Variants in SLC35G4 observed in about 807,000 individuals in gnomAD.
The protein encoded by SLC35G4 is acyl-malonyl-condensing enzyme 1-like protein 1.
A neutral mutation model predicts 15.8 loss-of-function variants in SLC35G4; 12 were observed. The ratio of observed to expected loss-of-function variants is 0.76; its 90% CI spans 0.49 to 1.23. The LOEUF is 1.23. Ranked by LOEUF, SLC35G4 falls within the 50% of genes most tolerant of loss-of-function variation. The pLI is 0.00. For missense variants in SLC35G4, 390 were observed against 422.1 expected (o/e 0.92, Z 0.67); for synonymous variants, 177 against 186.5 (o/e 0.95, Z 0.41).
rs757835798 is a variant in SLC35G4, at chr18:11,610,156, C to A, written c.561C>A (p.Val187=). 1 of 1,612,160 alleles carries A rather than the reference C, an allele frequency of 6.2e-7. No homozygotes were observed. The highest frequency in any genetic ancestry group is 8.5e-7 in the Non-Finnish European group (1 of 1,179,794). ...CACTACAGGAGGGGACCACGGGTGT[C>A]TACACCGGCCTGGGCTATGTGCAGG... ...LWTLQEGTTG[V]YTGLGYVQAF... The change falls in exon 1 of 1, where the codon GTC becomes GTA. Residue 187 remains valine, a synonymous_variant. Transcript: ENST00000588001.
chr18:11,609,996 G>T lies in SLC35G4; in HGVS notation c.401G>T (p.Arg134Leu), dbSNP rs536044464. Residue 134 changes from arginine (R) to leucine (L), a missense_variant, in exon 1 of 1, where the codon CGC becomes CTC. Physicochemically the swap from Arg to Leu is moderately radical, Grantham distance 102. Transcript: ENST00000588001. ...CCCACTGGCAATGCTGCCACTGTTC[G>T]CAAACATTCTTCCACCGTCTGCTCC... Reference protein sequence around the residue: ...VVPTGNAATVRKHSSTVCSAI... With the variant: ...VVPTGNAATVLKHSSTVCSAI... The T allele has an allele frequency of 6.8e-6, 11 of 1,613,828 alleles. No homozygotes were observed. The highest frequency in any genetic ancestry group is 1.7e-5 in the Admixed American group (1 of 59,992).
At position 11,610,129 on chromosome 18, in the gene SLC35G4, G is replaced by A; in HGVS notation, c.534G>A (p.Trp178Ter). Residue 178 changes from tryptophan to a stop codon, truncating the protein, a stop_gained, in exon 1 of 1, where the codon TGG becomes TGA. Coordinates refer to ENST00000588001, the MANE Select transcript of SLC35G4 (RefSeq NM_001282300.2). LOFTEE classifies it high-confidence loss of function. Reference sequence around the variant, plus strand: ...TAATCATTGTGGGACCTGGACTCTGGACACTACAGGAGGGGACCACGGGTG... The same window carrying A: ...TAATCATTGTGGGACCTGGACTCTGAACACTACAGGAGGGGACCACGGGTG... ...GLIIIVGPGLWTLQEGTTGVY... is the reference protein window; with the variant it reads ...GLIIIVGPGL The A allele has an allele frequency of 6.2e-7, 1 of 1,612,788 alleles. No individual in the cohort carries two copies. Among genetic ancestry groups the A allele is most frequent in the South Asian group, 1.1e-5 (1 of 91,008 alleles).
At position 11,609,609 on chromosome 18, in the gene SLC35G4, A is replaced by G. The variant is rs1315838717; in HGVS notation, c.14A>G (p.His5Arg). 43 of 1,595,768 alleles carry G rather than the reference A, an allele frequency of 2.7e-5. No homozygotes were observed. The highest frequency in any genetic ancestry group is 3.7e-5 in the Non-Finnish European group (43 of 1,171,258). The change falls in exon 1 of 1, where the codon CAC becomes CGC. Residue 5 changes from histidine (H) to arginine (R), a missense_variant. Physicochemically the swap from His to Arg is conservative, Grantham distance 29. Around this residue, in one of 2 missense-constraint regions of SLC35G4, gnomAD observed 331 missense variants for 241.1 expected, o/e 1.37. Coordinates refer to ENST00000588001, the MANE Select transcript of SLC35G4 (RefSeq NM_001282300.2). Reference protein sequence around the residue: MAGSHPYFNLPDSTH... With the variant: MAGSRPYFNLPDSTH... ...GTCCAAGGAAAGATGGCTGGCAGTC[A>G]CCCCTACTTCAACCTGCCTGACTCC...
Position 11,609,819 on chromosome 18 carries a change from G to C in SLC35G4, c.224G>C (p.Cys75Ser). 4 of 1,613,618 alleles carry C rather than the reference G, an allele frequency of 2.5e-6. No homozygotes were observed. The highest frequency in any genetic ancestry group is 3.4e-6 in the Non-Finnish European group (4 of 1,179,778). The stretch of plus-strand genomic sequence containing the variant: ...CTGCCCTCGCTGGAGCTGGTCATCT[G>C]TCGATGCCTCTTCCACCTCCCTATT... ...SNLPSLELVICRCLFHLPIAL... is the reference protein window; with the variant it reads ...SNLPSLELVISRCLFHLPIAL... The change falls in exon 1 of 1, where the codon TGT becomes TCT. Residue 75 changes from cysteine to serine, a missense_variant. Cys to Ser is a moderately radical substitution (Grantham distance 112). Around this residue, in one of 2 missense-constraint regions of SLC35G4, gnomAD observed 331 missense variants for 241.1 expected, o/e 1.37. Transcript: ENST00000588001.
At position 11,609,723 on chromosome 18, in the gene SLC35G4, C is replaced by T. The variant is rs1416096970; in HGVS notation, c.128C>T (p.Ala43Val). ...PSDATNGLLV[A>V]LLGGGLPAGF... is the part of the protein sequence containing the mutation. ...GATGCCACCAATGGCCTGCTGGTGG[C>T]CCTGCTGGGTGGGGGCCTGCCTGCT... The change falls in exon 1 of 1, where the codon GCC becomes GTC. Residue 43 changes from alanine to valine, a missense_variant. This residue lies in a region of SLC35G4 where 331 missense variants were observed against 241.1 expected (regional missense o/e 1.37). Transcript: ENST00000588001. 4 of 1,613,834 alleles carry T rather than the reference C, an allele frequency of 2.5e-6. No homozygotes were observed. Among genetic ancestry groups the T allele is most frequent in the Non-Finnish European group, 3.4e-6 (4 of 1,179,952 alleles).
At position 11,609,972 on chromosome 18, in the gene SLC35G4, C is replaced by T; in HGVS notation, c.377C>T (p.Pro126Leu). The T allele has an allele frequency of 6.2e-7, 1 of 1,613,968 alleles. No individual in the cohort carries two copies. Among genetic ancestry groups the T allele is most frequent in the Non-Finnish European group, 8.5e-7 (1 of 1,179,856 alleles). The change falls in exon 1 of 1, where the codon CCC (proline) becomes CTC (leucine). Residue 126 changes from proline to leucine, a missense_variant. By Grantham distance (98) the Pro-to-Leu change is moderately conservative. This residue lies in a region of SLC35G4 where 331 missense variants were observed against 241.1 expected (regional missense o/e 1.37). Transcript: ENST00000588001. The part of the protein sequence containing the change: ...GCAYSAVQVV[P>L]TGNAATVRKH... ...GCCTATAGTGCGGTTCAGGTGGTGCCCACTGGCAATGCTGCCACTGTTCGC... is the reference window on the plus strand; with the variant it reads ...GCCTATAGTGCGGTTCAGGTGGTGCTCACTGGCAATGCTGCCACTGTTCGC...
rs755782036 is a variant in SLC35G4 at position 11,610,011 on chromosome 18, C to A, written c.416C>A (p.Thr139Asn). 1.2e-6 allele frequency: 2 copies of A among 1,613,962 alleles called. No individual in the cohort carries two copies. The highest frequency in any genetic ancestry group is 1.1e-5 in the South Asian group (1 of 91,080). The change falls in exon 1 of 1, where the codon ACC (threonine) becomes AAC (asparagine). Residue 139 changes from threonine to asparagine, a missense_variant. Around this residue, in one of 2 missense-constraint regions of SLC35G4, gnomAD observed 331 missense variants for 241.1 expected, o/e 1.37. Transcript: ENST00000588001. ...GCCACTGTTCGCAAACATTCTTCCA[C>A]CGTCTGCTCCGCCATCCTCACCCTC... ...NAATVRKHSS[T>N]VCSAILTLCL... is the part of the protein sequence containing the mutation.
Position 11,609,641 on chromosome 18 carries a change from C to T in SLC35G4, c.46C>T (p.Pro16Ser). Reference protein sequence around the residue: ...PYFNLPDSTHPSPPSTPPSLH... With the variant: ...PYFNLPDSTHSSPPSTPPSLH... ...CTTCAACCTGCCTGACTCCACACACCCATCGCCGCCCTCCACTCCACCCAG... is the reference window on the plus strand; with the variant it reads ...CTTCAACCTGCCTGACTCCACACACTCATCGCCGCCCTCCACTCCACCCAG... Residue 16 changes from proline to serine, a missense_variant, in exon 1 of 1, where the codon CCA becomes TCA. Physicochemically the swap from Pro to Ser is moderately conservative, Grantham distance 74 (BLOSUM62 -1). Around this residue, in one of 2 missense-constraint regions of SLC35G4, gnomAD observed 331 missense variants for 241.1 expected, o/e 1.37. Transcript: ENST00000588001. The T allele has an allele frequency of 1.2e-6, 2 of 1,612,314 alleles. No individual in the cohort carries two copies. The highest frequency in any genetic ancestry group is 1.7e-6 in the Non-Finnish European group (2 of 1,179,020).
rs569244926 is a variant in SLC35G4, at chr18:11,609,637, A to G, written c.42A>G (p.Thr14=). 2.0e-4 allele frequency: 318 copies of G among 1,611,810 alleles called. 5 individuals carry two copies. In the East Asian group the frequency reaches 5.7e-3, roughly 29 times the overall value. The part of the protein sequence containing the change: ...SHPYFNLPDS[T]HPSPPSTPPS... ...CCTACTTCAACCTGCCTGACTCCAC[A>G]CACCCATCGCCGCCCTCCACTCCAC... The change falls in exon 1 of 1, where the codon ACA becomes ACG. Residue 14 remains threonine (T), a synonymous_variant. Transcript: ENST00000588001.
chr18:11,609,853 A>G lies in SLC35G4; in HGVS notation c.258A>G (p.Leu86=). The G allele has an allele frequency of 6.2e-7, 1 of 1,613,532 alleles. No individual in the cohort carries two copies. Among genetic ancestry groups the G allele is most frequent in the Non-Finnish European group, 8.5e-7 (1 of 1,179,732 alleles). ...RCLFHLPIAL[L]LKLRGDPLLG... is the part of the protein sequence containing the mutation. ...TCTTCCACCTCCCTATTGCCCTGCT[A>G]CTTAAACTGCGTGGCGACCCCCTTC... The change falls in exon 1 of 1, where the codon CTA becomes CTG. Residue 86 remains leucine, a synonymous_variant. Transcript: ENST00000588001.
Position 11,609,957 on chromosome 18 carries a change from C to A in SLC35G4, c.362C>A (p.Ala121Glu), listed in dbSNP as rs765082317. 400 of 1,613,884 alleles carry A rather than the reference C, an allele frequency of 2.5e-4. No individual in the cohort carries two copies. Among genetic ancestry groups the A allele is most frequent in the Non-Finnish European group, 3.1e-4 (364 of 1,179,880 alleles). Residue 121 changes from alanine to glutamate, a missense_variant, in exon 1 of 1, where the codon GCG becomes GAG. By Grantham distance (107) the Ala-to-Glu change is moderately radical. Around this residue, in one of 2 missense-constraint regions of SLC35G4, gnomAD observed 331 missense variants for 241.1 expected, o/e 1.37. Coordinates refer to ENST00000588001, the MANE Select transcript of SLC35G4 (RefSeq NM_001282300.2). ...NVLNIGCAYSAVQVVPTGNAA... is the reference protein window; with the variant it reads ...NVLNIGCAYSEVQVVPTGNAA... ...CTCAACATTGGATGTGCCTATAGTG[C>A]GGTTCAGGTGGTGCCCACTGGCAAT... is the stretch of plus-strand genomic sequence containing the variant.
Position 11,609,999 on chromosome 18 carries a change from A to G in SLC35G4, c.404A>G (p.Lys135Arg). 1 of 1,613,910 alleles carries G rather than the reference A, an allele frequency of 6.2e-7. No homozygotes were observed. Among genetic ancestry groups the G allele is most frequent in the Non-Finnish European group, 8.5e-7 (1 of 1,179,816 alleles). ...VPTGNAATVRKHSSTVCSAIL... is the reference protein window; with the variant it reads ...VPTGNAATVRRHSSTVCSAIL... The stretch of plus-strand genomic sequence containing the variant: ...ACTGGCAATGCTGCCACTGTTCGCA[A>G]ACATTCTTCCACCGTCTGCTCCGCC... The change falls in exon 1 of 1, where the codon AAA (lysine) becomes AGA (arginine). Residue 135 changes from lysine to arginine, a missense_variant. Physicochemically the swap from Lys to Arg is conservative, Grantham distance 26 (BLOSUM62 2). Coordinates refer to ENST00000588001, the MANE Select transcript of SLC35G4 (RefSeq NM_001282300.2).
chr18:11,610,116 G>C lies in SLC35G4; in HGVS notation c.521G>C (p.Gly174Ala), dbSNP rs565450945. The C allele has an allele frequency of 2.4e-5, 39 of 1,613,506 alleles. No homozygotes were observed. The African/African-American group carries it at 4.4e-4, about 18-fold the overall frequency. ...GSILGLIIIV[G>A]PGLWTLQEGT... Reference sequence around the variant, plus strand: ...ATCCTAGGACTAATAATCATTGTGGGACCTGGACTCTGGACACTACAGGAG... The same window carrying C: ...ATCCTAGGACTAATAATCATTGTGGCACCTGGACTCTGGACACTACAGGAG... Residue 174 changes from glycine to alanine, a missense_variant, in exon 1 of 1, where the codon GGA becomes GCA. Around this residue, in one of 2 missense-constraint regions of SLC35G4, gnomAD observed 331 missense variants for 241.1 expected, o/e 1.37. Coordinates refer to ENST00000588001, the MANE Select transcript of SLC35G4 (RefSeq NM_001282300.2).
In SLC35G4 at chr18:11,609,991, T is replaced by C. The variant is rs547132845; in HGVS notation, c.396T>C (p.Thr132=). The change falls in exon 1 of 1, where the codon ACT becomes ACC. Residue 132 remains threonine, a synonymous_variant. Coordinates refer to ENST00000588001, the MANE Select transcript of SLC35G4 (RefSeq NM_001282300.2). ...TGGTGCCCACTGGCAATGCTGCCAC[T>C]GTTCGCAAACATTCTTCCACCGTCT... ...VQVVPTGNAA[T]VRKHSSTVCS... 87 of 1,613,966 alleles carry C rather than the reference T, an allele frequency of 5.4e-5. 1 individual carries two copies. The Middle Eastern group carries it at 1.3e-3, about 25-fold the overall frequency.
In SLC35G4 at chr18:11,610,330, G is replaced by T. The variant is rs2029989672; in HGVS notation, c.735G>T (p.Val245=). ...VPGLFVLQSP[V]LPSDLLSWSC... ...GCCTCTTTGTGCTGCAGTCCCCCGT[G>T]TTGCCCAGTGACCTCCTGAGTTGGA... Residue 245 remains valine, a synonymous_variant, in exon 1 of 1, where the codon GTG becomes GTT. Coordinates refer to ENST00000588001, the MANE Select transcript of SLC35G4 (RefSeq NM_001282300.2). 6.2e-7 allele frequency: 1 copy of T among 1,602,476 alleles called. No individual in the cohort carries two copies. Among genetic ancestry groups the T allele is most frequent in the Non-Finnish European group, 8.5e-7 (1 of 1,174,042 alleles).
rs1345447083 is a variant in SLC35G4 at position 11,610,167 on chromosome 18, T to C, written c.572T>C (p.Leu191Pro). Residue 191 changes from leucine (L) to proline (P), a missense_variant, in exon 1 of 1, where the codon CTG becomes CCG. By Grantham distance (98) the Leu-to-Pro change is moderately conservative (BLOSUM62 -3). Transcript: ENST00000588001. ...QEGTTGVYTG[L>P]GYVQAFLGGL... ...GGGACCACGGGTGTCTACACCGGCCTGGGCTATGTGCAGGCTTTCCTGGGA... is the reference window on the plus strand; with the variant it reads ...GGGACCACGGGTGTCTACACCGGCCCGGGCTATGTGCAGGCTTTCCTGGGA... The C allele has an allele frequency of 2.5e-6, 4 of 1,611,572 alleles. No homozygotes were observed. Among genetic ancestry groups the C allele is most frequent in the Admixed American group, 1.7e-5 (1 of 59,978 alleles).
chr18:11,609,694 C>T lies in SLC35G4; in HGVS notation c.99C>T (p.Pro33=), dbSNP rs774976263. The T allele has an allele frequency of 8.7e-6, 14 of 1,614,042 alleles. No homozygotes were observed. The Admixed American group carries it at 2.3e-4, about 27-fold the overall frequency. ...PSLHWHQRCQ[P]SDATNGLLVA... is the part of the protein sequence containing the mutation. ...TCCACTGGCACCAGCGCTGCCAGCC[C>T]TCTGATGCCACCAATGGCCTGCTGG... is the stretch of plus-strand genomic sequence containing the variant. Residue 33 remains proline, a synonymous_variant, in exon 1 of 1, where the codon CCC becomes CCT. Transcript: ENST00000588001.
In SLC35G4 at chr18:11,609,704, A is replaced by G; in HGVS notation, c.109A>G (p.Thr37Ala). ...CCAGCGCTGCCAGCCCTCTGATGCC[A>G]CCAATGGCCTGCTGGTGGCCCTGCT... ...WHQRCQPSDA[T>A]NGLLVALLGG... The change falls in exon 1 of 1, where the codon ACC becomes GCC. Residue 37 changes from threonine to alanine, a missense_variant. Thr to Ala is a moderately conservative substitution (Grantham distance 58). This residue lies in a region of SLC35G4 where 331 missense variants were observed against 241.1 expected (regional missense o/e 1.37). Coordinates refer to ENST00000588001, the MANE Select transcript of SLC35G4 (RefSeq NM_001282300.2). The G allele has an allele frequency of 2.5e-6, 4 of 1,613,890 alleles. No individual in the cohort carries two copies. The highest frequency in any genetic ancestry group is 3.4e-6 in the Non-Finnish European group (4 of 1,179,966).
chr18:11,610,040 C>G lies in SLC35G4; in HGVS notation c.445C>G (p.Leu149Val). ...TVCSAILTLC[L>V]ESQVLSGYDW... ...CTGCTCCGCCATCCTCACCCTCTGCCTTGAGAGCCAGGTTCTCAGTGGCTA... is the reference window on the plus strand; with the variant it reads ...CTGCTCCGCCATCCTCACCCTCTGCGTTGAGAGCCAGGTTCTCAGTGGCTA... The change falls in exon 1 of 1, where the codon CTT becomes GTT. Residue 149 changes from leucine to valine, a missense_variant. Physicochemically the swap from Leu to Val is conservative, Grantham distance 32. This residue lies in a region of SLC35G4 where 331 missense variants were observed against 241.1 expected (regional missense o/e 1.37). Coordinates refer to ENST00000588001, the MANE Select transcript of SLC35G4 (RefSeq NM_001282300.2). 6.2e-7 allele frequency: 1 copy of G among 1,613,982 alleles called. No homozygotes were observed. The highest frequency in any genetic ancestry group is 8.5e-7 in the Non-Finnish European group (1 of 1,179,864).
Sources: gnomAD v4.1 joint callset for allele counts on GRCh38, gnomAD v4.1.1 for gene constraint, gnomAD v4.1.1 regional missense constraint, MANE v1.5 for transcripts, NCBI Gene and HGNC (gene_info 2026-07-23, HGNC 2026-07-21) for gene names.